Variants in MYO3A observed in about 807,000 individuals in gnomAD.
MYO3A encodes myosin-IIIa.
In MYO3A, 180 loss-of-function variants were observed where a neutral mutation model predicts 192.7. The observed-to-expected ratio is 0.93, with a 90% confidence interval of 0.83 to 1.06. MYO3A has a LOEUF of 1.06. MYO3A is among the 50% of genes least tolerant of loss of function. The pLI is 0.00. For missense variants in MYO3A, 1,896 were observed against 1,905.0 expected, an observed-to-expected ratio of 1.00 and a Z score of 0.09; for synonymous variants, 628 against 645.3, an observed-to-expected ratio of 0.97 and a Z score of 0.41.
intron 19 of MYO3A, 73 bp downstream of exon 19, chr10:26,125,681 T>C: frequency 8.1e-7 from 1 of 1,235,396 alleles, no homozygotes; most frequent in Non-Finnish European, 1.2e-6. Context: ...TTGATTGTTT[T>C]GTATAGATCT....
intron 9 of MYO3A, among the ~76,000 whole-genome samples, chr10:26,025,350 A>G (rs1158326144): frequency 6.6e-6 from 1 of 151,876 alleles, no homozygotes; most frequent in Non-Finnish European, 1.5e-5. Context: ...AATATCCCCA[A>G]ATGACAGCCC....
intron 10 of MYO3A, among the ~76,000 whole-genome samples, chr10:26,065,574 G>T (rs1262352374): frequency 2.0e-5 from 2 of 102,076 alleles, no homozygotes; most frequent in Non-Finnish European, 3.5e-5. Flanking sequence ...GACAGAGCGA[G>T]ACTCCATCTC....
chr10:26,120,853 C>A, intron 18 of MYO3A, 51 bp downstream of exon 18: 1 of 1,595,884 alleles, frequency 6.3e-7, no homozygotes, highest in South Asian at 1.1e-5. Flanking sequence ...AATCTTATGA[C>A]ATACCATAAG....
At position 26,096,697 on chromosome 10, in the gene MYO3A, C is replaced by T. The variant is rs1837062659; in HGVS notation, c.1776+15C>T. 1 of 1,480,922 alleles carries T rather than the reference C, an allele frequency of 6.8e-7. No individual in the cohort carries two copies. Among genetic ancestry groups the T allele is most frequent in the Non-Finnish European group, 9.4e-7 (1 of 1,059,064 alleles). 91.7% of individuals were successfully genotyped at this position (1,480,922 alleles called of 1,614,324 possible). On this transcript the variant is annotated intron_variant, in intron 17 of 34. Coordinates refer to ENST00000642920, the MANE Select transcript of MYO3A (RefSeq NM_017433.5). Reference sequence around the variant, plus strand: ...TTACAATGGAGGTAAGTATGAAAGACACTTGAACTTCTTTAGAAAGTATCT... The same window carrying T: ...TTACAATGGAGGTAAGTATGAAAGATACTTGAACTTCTTTAGAAAGTATCT...
chr10:26,002,559 T>A (rs1032546916), intron 6 of MYO3A, among the ~76,000 whole-genome samples: 1 of 135,994 alleles, frequency 7.4e-6, no homozygotes, highest in African/African-American at 3.2e-5. Flanking sequence ...AAAATGGTTA[T>A]GACCGAGCAG....
At chr10:26,073,053 C>A (rs1052764234) in intron 14 of MYO3A, among the ~76,000 whole-genome samples, 16 of 152,064 alleles carry the variant, frequency 1.1e-4, no homozygotes, top group Non-Finnish European at 4.4e-5. Context: ...CATAGCAAGA[C>A]CTCTATGAAA....
At chr10:26,075,188 T>C (rs1291153306) in intron 14 of MYO3A, among the ~76,000 whole-genome samples, 2 of 152,104 alleles carry the variant, frequency 1.3e-5, no homozygotes, top group Non-Finnish European at 2.9e-5. Flanking sequence ...TGGCTCTAAA[T>C]TTTTCTTCCT....
intron 15 of MYO3A, among the ~76,000 whole-genome samples, chr10:26,090,836 A>G (rs1836656235): frequency 6.6e-6 from 1 of 152,258 alleles, no homozygotes; most frequent in Admixed American, 6.5e-5. Context: ...AATGGTGAGA[A>G]GCCCATGGAC....
intron 10 of MYO3A, among the ~76,000 whole-genome samples, chr10:26,031,859 TA>T (rs1461055162): frequency 2.6e-5 from 4 of 152,140 alleles, no homozygotes; most frequent in Admixed American, 2.6e-4. Flanking sequence ...AACATTTGCC[TA>T]AAAAATTATT....
intron 17 of MYO3A, among the ~76,000 whole-genome samples, chr10:26,119,904 C>T (rs893092679): frequency 2.0e-5 from 3 of 151,852 alleles, no homozygotes; most frequent in African/African-American, 7.3e-5. Context: ...ACCAATAATC[C>T]CAGCACTTTC....
At chr10:26,197,568 G>A (rs558149731) in intron 32 of MYO3A, among the ~76,000 whole-genome samples, 1 of 152,032 alleles carries the variant, frequency 6.6e-6, no homozygotes, top group Non-Finnish European at 1.5e-5. Context: ...GTTGTTGTTG[G>A]TGGTGGTGGT....
intron 2 of MYO3A, among the ~76,000 whole-genome samples, chr10:25,945,401 A>T (rs1369105693): frequency 3.3e-5 from 5 of 152,010 alleles, no homozygotes; most frequent in African/African-American, 7.2e-5. Context: ...TATAGTGTTG[A>T]TCGTGTCCTT....
At chr10:25,961,484 A>G (rs1837927087) in intron 4 of MYO3A, among the ~76,000 whole-genome samples, 1 of 152,166 alleles carries the variant, frequency 6.6e-6, no homozygotes, top group Non-Finnish European at 1.5e-5. Context: ...GAATCAGTAG[A>G]GTCGCTACAA....
rs767724241 is a variant in MYO3A at position 26,016,818 on chromosome 10, AG to A, written c.509del. On this transcript the variant is annotated splice_acceptor_variant, in intron 6 of 34. Transcript: ENST00000642920. LOFTEE classifies it high-confidence loss of function. ...AAAAGTACATCTTGTCTCTTCCTCT[AG>A]GTGTGTCTGCACAGCTCACCAGTAC... 6.2e-7 allele frequency: 1 copy of A among 1,614,000 alleles called. No individual in the cohort carries two copies. The highest frequency in any genetic ancestry group is 1.7e-5 in the Admixed American group (1 of 60,026).
intron 18 of MYO3A, among the ~76,000 whole-genome samples, chr10:26,121,974 G>A (rs1838891305): frequency 6.6e-6 from 1 of 152,146 alleles, no homozygotes; most frequent in Non-Finnish European, 1.5e-5. Context: ...GAATTGGCAT[G>A]TAGTGACCGG....
chr10:26,141,238 T>C (rs1840147888), intron 20 of MYO3A, among the ~76,000 whole-genome samples: 1 of 152,196 alleles, frequency 6.6e-6, no homozygotes, highest in African/African-American at 2.4e-5. Flanking sequence ...TAAATATATT[T>C]TTAATGTACA....
chr10:26,201,583 G>A (rs1332498046), intron 33 of MYO3A, among the ~76,000 whole-genome samples: 1 of 151,952 alleles, frequency 6.6e-6, no homozygotes, highest in African/African-American at 2.4e-5. Flanking sequence ...CTACTCAGGA[G>A]GCTGAGGCAG....
At chr10:26,031,535 A>G (rs1842801324) in intron 10 of MYO3A, among the ~76,000 whole-genome samples, 1 of 152,210 alleles carries the variant, frequency 6.6e-6, no homozygotes, top group Admixed American at 6.5e-5. Flanking sequence ...GTCTCAGCTC[A>G]CTTCCAGTTT....
chr10:26,120,000 C>CA (rs11372606), intron 17 of MYO3A, among the ~76,000 whole-genome samples: 43,236 of 126,068 alleles, frequency 0.34, 6,952 homozygotes, highest in South Asian at 0.42. Flanking sequence ...TATAAAATAC[C>CA]AAAAAAAAAA....
Sources: allele counts gnomAD v4.1 joint callset (sites outside exome capture counted in the v4.1 genomes callset), GRCh38; gene constraint gnomAD v4.1.1; transcripts MANE v1.5; gene names NCBI Gene and HGNC (gene_info 2026-07-23, HGNC 2026-07-21).